Variants in GSG1L observed in about 807,000 individuals in gnomAD.
GSG1L encodes GSG1 like.
GSG1L carries 24 observed loss-of-function variants against 42.1 expected under a neutral mutation model. The ratio of observed to expected loss-of-function variants is 0.57; its 90% confidence interval spans 0.41 to 0.80. The LOEUF (loss-of-function observed/expected upper bound fraction) is 0.80. Ranked by LOEUF, GSG1L falls within the 30% of genes least tolerant of loss-of-function variation. The pLI, the probability that GSG1L is intolerant of heterozygous loss-of-function variation, is 0.00. For synonymous variants in GSG1L, 215 were observed against 203.5 expected, an observed-to-expected ratio of 1.06 and a Z score of -0.48; for missense variants, 445 against 472.2, an observed-to-expected ratio of 0.94 and a Z score of 0.53.
At chr16:27,837,316 C>T (rs953307091) in intron 4 of GSG1L, among the ~76,000 whole-genome samples, 2 of 152,146 alleles carry the variant, frequency 1.3e-5, no homozygotes, top group Non-Finnish European at 2.9e-5. Flanking sequence ...TCCACCTGGT[C>T]TCTCCCTTGA....
chr16:27,959,998 T>C (rs2085050985), intron 2 of GSG1L, among the ~76,000 whole-genome samples: 1 of 150,434 alleles, frequency 6.6e-6, no homozygotes. Flanking sequence ...AAACTGATGA[T>C]GGACAAATAT....
chr16:27,934,013 A>G (rs1024930023), intron 2 of GSG1L, among the ~76,000 whole-genome samples: 1 of 152,162 alleles, frequency 6.6e-6, no homozygotes, highest in Non-Finnish European at 1.5e-5. Flanking sequence ...TTATTTGTCC[A>G]TTTGAGTCTT....
chr16:27,916,928 C>T (rs1410385206), intron 2 of GSG1L, among the ~76,000 whole-genome samples: 3 of 151,806 alleles, frequency 2.0e-5, no homozygotes, highest in African/African-American at 7.3e-5. Flanking sequence ...TAAGAGTGTC[C>T]AGGCAAGATG....
chr16:27,941,148 A>T (rs2084788793), intron 2 of GSG1L, among the ~76,000 whole-genome samples: 2 of 152,160 alleles, frequency 1.3e-5, no homozygotes, highest in African/African-American at 4.8e-5. Flanking sequence ...AAAAATAGAT[A>T]AACTGAACAA....
At chr16:27,935,909 C>G (rs1338018143) in intron 2 of GSG1L, among the ~76,000 whole-genome samples, 2 of 148,496 alleles carry the variant, frequency 1.3e-5, no homozygotes, top group African/African-American at 5.0e-5. Flanking sequence ...GGATGCATCA[C>G]AGATGATGCT....
At position 28,004,769 on chromosome 16, in the gene GSG1L, C is replaced by A. The variant is rs369160853; in HGVS notation, c.350-41566G>T. On this transcript the variant is annotated intron_variant, in intron 1 of 6. Coordinates refer to ENST00000447459, the MANE Select transcript of GSG1L (RefSeq NM_001109763.2). ...CTCCAACCTGGGCAACAGAGCAAGACCCTGTCTCAAAATAAATAAACAAAT... is the reference window on the plus strand; with the variant it reads ...CTCCAACCTGGGCAACAGAGCAAGAACCTGTCTCAAAATAAATAAACAAAT... Among the ~76,000 whole-genome samples the A allele has an allele frequency of 5.1e-4, 78 of 152,038 alleles. 2 individuals carry two copies. In the East Asian group the frequency reaches 0.014, roughly 26 times the overall value.
intron 2 of GSG1L, among the ~76,000 whole-genome samples, chr16:27,917,883 T>A (rs1383043491): frequency 1.3e-5 from 2 of 151,930 alleles, no homozygotes; most frequent in Non-Finnish European, 2.9e-5. Flanking sequence ...GTGGCTTGGG[T>A]CTCAGACTCC....
At chr16:28,050,851 C>A (rs1409858670) in intron 1 of GSG1L, among the ~76,000 whole-genome samples, 1 of 152,198 alleles carries the variant, frequency 6.6e-6, no homozygotes, top group Non-Finnish European at 1.5e-5. Flanking sequence ...TTCTCATTGT[C>A]TGTCCCCTCC....
intron 1 of GSG1L, among the ~76,000 whole-genome samples, chr16:28,002,274 C>T (rs748934688): frequency 6.6e-6 from 1 of 152,158 alleles, no homozygotes; most frequent in Non-Finnish European, 1.5e-5. Flanking sequence ...GCCTTTTCTA[C>T]AAGAGAGAAC....
intron 3 of GSG1L, among the ~76,000 whole-genome samples, chr16:27,849,939 G>A (rs527436100): frequency 6.0e-5 from 9 of 150,620 alleles, no homozygotes; most frequent in African/African-American, 2.2e-4. Flanking sequence ...CTGGGCAGAT[G>A]CCATTTGCCA....
intron 3 of GSG1L, among the ~76,000 whole-genome samples, chr16:27,849,341 G>A (rs548969007): frequency 6.6e-6 from 1 of 152,292 alleles, no homozygotes; most frequent in Non-Finnish European, 1.5e-5. Context: ...AGGACGAGAA[G>A]TCAGTAAAAG....
At chr16:28,002,392 G>A (rs765553494) in intron 1 of GSG1L, among the ~76,000 whole-genome samples, 6 of 152,170 alleles carry the variant, frequency 3.9e-5, no homozygotes, top group Non-Finnish European at 8.8e-5. Flanking sequence ...AGACCAACAC[G>A]AGAGGACCAC....
chr16:27,809,930 C>G (rs1203059094), intron 5 of GSG1L, among the ~76,000 whole-genome samples: 1 of 152,182 alleles, frequency 6.6e-6, no homozygotes, highest in Non-Finnish European at 1.5e-5. Flanking sequence ...GAAGCCTGAG[C>G]TGGAGGAGAA....
intron 4 of GSG1L, among the ~76,000 whole-genome samples, chr16:27,842,881 C>G (rs985524581): frequency 6.6e-6 from 1 of 151,998 alleles, no homozygotes; most frequent in Non-Finnish European, 1.5e-5. Context: ...CTCTGCCTAG[C>G]ACCTGATTCC....
intron 2 of GSG1L, among the ~76,000 whole-genome samples, chr16:27,889,816 C>T (rs2084103127): frequency 1.3e-5 from 2 of 152,146 alleles, no homozygotes; most frequent in Admixed American, 1.3e-4. Context: ...ACTTTGCACC[C>T]AAATCCTCAT....
intron 3 of GSG1L, among the ~76,000 whole-genome samples, chr16:27,865,617 A>T (rs2083714710): frequency 7.0e-6 from 1 of 143,528 alleles, no homozygotes; most frequent in African/African-American, 2.5e-5. Flanking sequence ...ATACACACAC[A>T]CACATATATA....
At chr16:27,911,279 C>CTCTCTCTCTCTCTCT (rs2084386668) in intron 2 of GSG1L, among the ~76,000 whole-genome samples, 1 of 107,976 alleles carries the variant, frequency 9.3e-6, no homozygotes, top group Non-Finnish European at 2.2e-5. Context: ...CTCTCTCTCT[C>CTCTCTCTCTCTCTCT]TCTCTCTCTC....
intron 3 of GSG1L, among the ~76,000 whole-genome samples, chr16:27,872,424 T>C (rs1363246490): frequency 2.0e-5 from 3 of 152,142 alleles, no homozygotes; most frequent in Non-Finnish European, 2.9e-5. Flanking sequence ...GCCTCAGTAT[T>C]CTCAACTATA....
At chr16:28,008,518 T>C (rs2085672082) in intron 1 of GSG1L, among the ~76,000 whole-genome samples, 2 of 152,178 alleles carry the variant, frequency 1.3e-5, no homozygotes, top group Admixed American at 1.3e-4. Context: ...CTGCCCCTTG[T>C]CCAGACCATT....
Sources: gnomAD v4.1 joint callset for allele counts (sites outside exome capture counted in the v4.1 genomes callset) on GRCh38, gnomAD v4.1.1 for gene constraint, MANE v1.5 for transcripts, NCBI Gene and HGNC (gene_info 2026-07-23, HGNC 2026-07-21) for gene names.